EMG1: variants seen among roughly 807,000 people sequenced by gnomAD.
The protein encoded by EMG1 is ribosomal RNA small subunit methyltransferase NEP1.
A neutral mutation model predicts 26.9 loss-of-function variants in EMG1; 24 were observed. That is an observed-to-expected ratio of 0.89 (90% confidence interval 0.65 to 1.26). The LOEUF is 1.26. EMG1 is among the 50% of genes most tolerant of loss of function. The probability of loss-of-function intolerance (pLI) is 0.00; values close to 1 mark genes in which losing one functional copy is unlikely to be tolerated. For missense variants in EMG1, 299 were observed against 307.6 expected (o/e 0.97, Z 0.21); for synonymous variants, 140 against 112.6 (o/e 1.24, Z -1.54).
At chr12:6,971,626 C>T (rs782293053) in intron 1 of EMG1, among the ~76,000 whole-genome samples, 47 of 152,330 alleles carry the variant, frequency 3.1e-4, no homozygotes, top group Non-Finnish European at 5.3e-4. Context: ...TAGCCCTCAC[C>T]TCCTTGCTTC....
downstream of EMG1, chr12:6,980,021 CT>C (rs34110645): frequency 0.017 from 2,057 of 122,792 alleles, 20 homozygotes; most frequent in African/African-American, 0.04. Context: ...GGCAATTAAA[CT>C]TTTTTTTTTT....
chr12:6,990,521 AAAATAAAATAAAT>A (rs1183941722), downstream of EMG1, among the ~76,000 whole-genome samples: 3 of 135,636 alleles, frequency 2.2e-5, no homozygotes, highest in African/African-American at 8.5e-5. Context: ...AAAGAAAATT[AAAATAAAATAAAT>A]AAATAAATAA....
Position 6,977,825 on chromosome 12 carries a change from GAGGATTGGAT to G in EMG1, c.*2017_*2026del. On this transcript the variant is annotated 3_prime_UTR_variant, in exon 6 of 6. Coordinates refer to ENST00000599672, the MANE Select transcript of EMG1 (RefSeq NM_006331.8). This position sits in a 1 kb window ranked among gnomAD's most constrained non-coding sequence, Gnocchi z 4.5. ...CCACCTGCCTCTGGGTCCTCACCCTGAGGATTGGATTGGAGTGCTGGTGGGTTCCCACGTG... is the reference window on the plus strand; with the variant it reads ...CCACCTGCCTCTGGGTCCTCACCCTGTGGAGTGCTGGTGGGTTCCCACGTG... 1 of 1,561,696 alleles carries G rather than the reference GAGGATTGGAT, an allele frequency of 6.4e-7. No individual in the cohort carries two copies. Among genetic ancestry groups the G allele is most frequent in the African/African-American group, 1.3e-5 (1 of 74,080 alleles).
downstream of EMG1, among the ~76,000 whole-genome samples, chr12:6,991,030 T>C (rs781945524): frequency 6.6e-6 from 1 of 151,482 alleles, no homozygotes; most frequent in South Asian, 2.1e-4. Flanking sequence ...ATAAATAACA[T>C]ACTTTAAATG....
downstream of EMG1, chr12:6,980,875 C>T: frequency 1.2e-6 from 1 of 860,084 alleles, no homozygotes; most frequent in Non-Finnish European, 1.7e-6. Flanking sequence ...GTGCCTGTTA[C>T]AACAGTCCAG....
At chr12:6,983,675 A>G (rs1946494618), downstream of EMG1, 1 of 622,332 alleles carries the variant, frequency 1.6e-6, no homozygotes, top group Non-Finnish European at 2.9e-6. Context: ...ATGGATGGCA[A>G]CAGAGAAGGC....
Position 6,974,610 on chromosome 12 carries a change from T to G in EMG1, c.329T>G (p.Ile110Ser), listed in dbSNP as rs1484616063. Reference sequence around the variant, plus strand: ...CGAGCTGGCTTGCTACAGGTTTATATCCATACACAGAAGAATGTTCTGATT... The same window carrying G: ...CGAGCTGGCTTGCTACAGGTTTATAGCCATACACAGAAGAATGTTCTGATT... ...LNRAGLLQVYIHTQKNVLIEV... is the reference protein window; with the variant it reads ...LNRAGLLQVYSHTQKNVLIEV... The change falls in exon 3 of 6, where the codon ATC (isoleucine) becomes AGC (serine). Residue 110 changes from isoleucine to serine, a missense_variant. Ile to Ser is a moderately radical substitution (Grantham distance 142). Transcript: ENST00000599672. 1.2e-6 allele frequency: 2 copies of G among 1,613,836 alleles called. No individual in the cohort carries two copies. Among genetic ancestry groups the G allele is most frequent in the African/African-American group, 1.3e-5 (1 of 74,888 alleles).
rs891710719 is a variant in EMG1, at chr12:6,976,118, G to C, written c.*309G>C. On this transcript the variant is annotated 3_prime_UTR_variant, in exon 6 of 6. Transcript: ENST00000599672. Reference sequence around the variant, plus strand: ...CAGGCTTTAGCTCCCAGATTCCCATGTGCTAAAGGAGAGAACCCTGATGAT... The same window carrying C: ...CAGGCTTTAGCTCCCAGATTCCCATCTGCTAAAGGAGAGAACCCTGATGAT... 3.6e-6 allele frequency: 1 copy of C among 275,888 alleles called. No individual in the cohort carries two copies. The highest frequency in any genetic ancestry group is 2.2e-5 in the African/African-American group (1 of 45,926). The allele number at this position is 275,888 out of a possible 1,614,324, so 17.1% of individuals were successfully genotyped here.
chr12:6,979,802 G>A lies in EMG1; in HGVS notation c.*3993G>A. 1 of 568,574 alleles carries A rather than the reference G, an allele frequency of 1.8e-6. No individual in the cohort carries two copies. Among genetic ancestry groups the A allele is most frequent in the Non-Finnish European group, 3.2e-6 (1 of 317,440 alleles). The allele number at this position is 568,574 out of a possible 1,614,324, so 35.2% of individuals were successfully genotyped here. A position where few individuals can be genotyped will look rare whatever the true frequency, so the allele number is the denominator to read the frequency against. On this transcript the variant is annotated 3_prime_UTR_variant, in exon 6 of 6. Coordinates refer to ENST00000599672, the MANE Select transcript of EMG1 (RefSeq NM_006331.8). ...CCTCTTAAGAGTTGTAGGAAAGTCA[G>A]GGCAGCAGACAGTGGACCAGTCTTG...
downstream of EMG1, among the ~76,000 whole-genome samples, chr12:6,982,363 C>T (rs1390812080): frequency 2.0e-5 from 3 of 152,122 alleles, no homozygotes; most frequent in Non-Finnish European, 4.4e-5. Flanking sequence ...TTAACTCATT[C>T]TAAGTTGCTT....
chr12:6,990,792 C>A (rs1169083099), downstream of EMG1, among the ~76,000 whole-genome samples: 1 of 150,994 alleles, frequency 6.6e-6, no homozygotes, highest in African/African-American at 2.4e-5. Flanking sequence ...TGGCAGGCGC[C>A]TGTGATCCCA....
At chr12:6,972,666 A>G (rs190104276) in intron 1 of EMG1, among the ~76,000 whole-genome samples, 1 of 152,276 alleles carries the variant, frequency 6.6e-6, no homozygotes, top group African/African-American at 2.4e-5. Context: ...TTGTTAGGAT[A>G]GTGTCTGTCA....
Position 6,974,410 on chromosome 12 carries a change from TG to T in EMG1, c.244del (p.Glu82LysfsTer12). On this transcript the variant is annotated frameshift_variant, in exon 2 of 6. Transcript: ENST00000599672. LOFTEE classifies it high-confidence loss of function. Reference protein sequence around the residue: ...SILLKNGRDPGEARPDITHQS... With the variant: ...SILLKNGRDPXEARPDITHQS... ...TATTGTTGAAGAATGGACGGGACCC[TG>T]GGGAAGCGCGGCCAGATATCACCCA... 1 of 1,613,772 alleles carries T rather than the reference TG, an allele frequency of 6.2e-7. No individual in the cohort carries two copies. Among genetic ancestry groups the T allele is most frequent in the Non-Finnish European group, 8.5e-7 (1 of 1,179,744 alleles).
At chr12:6,981,374 A>C, downstream of EMG1, 1 of 672,548 alleles carries the variant, frequency 1.5e-6, no homozygotes, top group Non-Finnish European at 2.5e-6. Flanking sequence ...TGCTTTAGCA[A>C]ATGCCTTGCT....
rs1946544433 is a variant in EMG1, at chr12:6,987,962, T to C, written c.*211+124T>C. ...CTACTCTGGGATCAACAGTCACCTC[T>C]TGAACTTTTGGGGTGCTTGGCAATA... On this transcript the variant is annotated intron_variant and NMD_transcript_variant, in intron 7 of 7. Transcript: ENST00000261406. This position sits in a 1 kb window ranked among gnomAD's most constrained non-coding sequence, Gnocchi z 4.1. The C allele has an allele frequency of 1.0e-5, 4 of 397,670 alleles. No individual in the cohort carries two copies. The highest frequency in any genetic ancestry group is 3.1e-4 in the Middle Eastern group (1 of 3,212). The allele number at this position is 397,670 out of a possible 1,614,324, so 24.6% of individuals were successfully genotyped here. A position where few individuals can be genotyped will look rare whatever the true frequency, so the allele number is the denominator to read the frequency against.
At position 6,971,003 on chromosome 12, in the gene EMG1, C is replaced by T. The variant is rs782075048; in HGVS notation, c.80C>T (p.Pro27Leu). 17 of 1,611,812 alleles carry T rather than the reference C, an allele frequency of 1.1e-5. No individual in the cohort carries two copies. The highest frequency in any genetic ancestry group is 1.3e-5 in the Non-Finnish European group (15 of 1,178,934). The change falls in exon 1 of 6, where the codon CCC (proline) becomes CTC (leucine). Residue 27 changes from proline (P) to leucine (L), a missense_variant. Transcript: ENST00000599672. The part of the protein sequence containing the change: ...EQAQDWDALP[P>L]KRPRLGAGNK... ...GCACAGGACTGGGATGCTCTGCCAC[C>T]CAAGCGGCCCCGACTAGGGGCAGGA...
rs1429085905 is a variant in EMG1, at chr12:6,979,193, T to A, written c.*3384T>A. 2.1e-6 allele frequency: 1 copy of A among 477,778 alleles called. No individual in the cohort carries two copies. Among genetic ancestry groups the A allele is most frequent in the African/African-American group, 2.0e-5 (1 of 50,838 alleles). 29.6% of individuals were successfully genotyped at this position (477,778 alleles called of 1,614,324 possible). ...TCAGAAGCTGCTGTGCTCTGAGGGGTCACGTGGATGTGATAAGGCAAGCTA... is the reference window on the plus strand; with the variant it reads ...TCAGAAGCTGCTGTGCTCTGAGGGGACACGTGGATGTGATAAGGCAAGCTA... On this transcript the variant is annotated 3_prime_UTR_variant, in exon 6 of 6. Coordinates refer to ENST00000599672, the MANE Select transcript of EMG1 (RefSeq NM_006331.8).
In EMG1 at chr12:6,979,559, C is replaced by T. The variant is rs1248198874; in HGVS notation, c.*3750C>T. On this transcript the variant is annotated 3_prime_UTR_variant, in exon 6 of 6. Transcript: ENST00000599672. ...TAGGTAGAAAAGGCCCAGACTCAGGCGCTTGAGAGCAGGAATGATGCTGGA... is the reference window on the plus strand; with the variant it reads ...TAGGTAGAAAAGGCCCAGACTCAGGTGCTTGAGAGCAGGAATGATGCTGGA... The T allele has an allele frequency of 7.4e-6, 12 of 1,613,624 alleles. No homozygotes were observed. Among genetic ancestry groups the T allele is most frequent in the Admixed American group, 1.7e-5 (1 of 59,990 alleles).
At chr12:6,988,866 C>G (rs1224306562), downstream of EMG1, among the ~76,000 whole-genome samples, 1 of 152,148 alleles carries the variant, frequency 6.6e-6, no homozygotes, top group Non-Finnish European at 1.5e-5. Flanking sequence ...GTGGCTCACG[C>G]CTGTAATCCC....
Sources: gnomAD v4.1 joint callset for allele counts (sites outside exome capture counted in the v4.1 genomes callset) on GRCh38, gnomAD v4.1.1 for gene constraint, Gnocchi (gnomAD v3.1) non-coding constraint, MANE v1.5 for transcripts, NCBI Gene and HGNC (gene_info 2026-07-23, HGNC 2026-07-21) for gene names.